Variants in NKAIN2 observed in about 807,000 individuals in gnomAD.
NKAIN2 encodes sodium/potassium-transporting ATPase subunit beta-1-interacting protein 2.
Under a neutral mutation model 32.6 loss-of-function variants are expected in NKAIN2, and 14 were observed. The observed-to-expected ratio is 0.43, with a 90% CI of 0.28 to 0.67. The LOEUF (loss-of-function observed/expected upper bound fraction) is 0.67, where lower values mean the gene tolerates loss of function less well. NKAIN2 is among the 30% of genes least tolerant of loss of function. The pLI is 0.17. For synonymous variants in NKAIN2, 80 were observed against 87.2 expected (o/e 0.92, Z 0.46); for missense variants, 198 against 258.3 (o/e 0.77, Z 1.60).
chr6:124,413,015 C>G (rs619557), intron 3 of NKAIN2, among the ~76,000 whole-genome samples: 1 of 152,148 alleles, frequency 6.6e-6, no homozygotes, highest in African/African-American at 2.4e-5. Flanking sequence ...TTGTTAAGCC[C>G]GTTGGAAAAG....
chr6:124,779,249 G>T (rs1217282195), intron 4 of NKAIN2, among the ~76,000 whole-genome samples: 3 of 9,562 alleles, frequency 3.1e-4, no homozygotes, highest in African/African-American at 9.1e-4. Context: ...AACAAAGAAA[G>T]AGAGAGAGAG....
chr6:124,658,465 G>A (rs776990322), intron 4 of NKAIN2, 79 bp downstream of exon 4: 3 of 1,603,622 alleles, frequency 1.9e-6, no homozygotes, highest in Non-Finnish European at 2.6e-6. Flanking sequence ...GCACACAAAT[G>A]GAATCTGTGG....
intron 3 of NKAIN2, among the ~76,000 whole-genome samples, chr6:124,408,540 T>C (rs1308734434): frequency 2.6e-5 from 4 of 152,226 alleles, no homozygotes; most frequent in Non-Finnish European, 1.5e-5. Flanking sequence ...GGCTCTGTTC[T>C]GTTCCATTGA....
At chr6:124,585,721 G>A (rs1781688744) in intron 3 of NKAIN2, among the ~76,000 whole-genome samples, 2 of 149,766 alleles carry the variant, frequency 1.3e-5, no homozygotes, top group African/African-American at 2.5e-5. Flanking sequence ...AATATAAAAA[G>A]CATAAGTTAT....
At chr6:124,478,508 G>A (rs1418489763) in intron 3 of NKAIN2, among the ~76,000 whole-genome samples, 1 of 152,104 alleles carries the variant, frequency 6.6e-6, no homozygotes, top group African/African-American at 2.4e-5. Context: ...ACACACACAC[G>A]TGCATGTGCA....
chr6:124,178,165 T>G (rs925105802), intron 1 of NKAIN2, among the ~76,000 whole-genome samples: 9 of 152,086 alleles, frequency 5.9e-5, no homozygotes, highest in African/African-American at 2.2e-4. Flanking sequence ...TTCAATAGAC[T>G]CCAAATTTTC....
intron 4 of NKAIN2, among the ~76,000 whole-genome samples, chr6:124,726,878 G>A (rs1451156358): frequency 1.3e-3 from 138 of 107,678 alleles, no homozygotes; most frequent in Middle Eastern, 4.3e-3. Flanking sequence ...TGATGGAGCT[G>A]AAAACCAAGG....
intron 1 of NKAIN2, among the ~76,000 whole-genome samples, chr6:124,068,211 G>T (rs1431119557): frequency 6.6e-6 from 1 of 152,066 alleles, no homozygotes; most frequent in Non-Finnish European, 1.5e-5. Context: ...GAAAGTAAAA[G>T]AAGTTTGTTT....
chr6:124,725,394 G>A (rs896948767), intron 4 of NKAIN2, among the ~76,000 whole-genome samples: 16 of 151,992 alleles, frequency 1.1e-4, no homozygotes, highest in East Asian at 1.9e-4. Context: ...GTGAGCCATC[G>A]CACCCAGCCC....
At chr6:124,051,868 C>T (rs1026354692) in intron 1 of NKAIN2, among the ~76,000 whole-genome samples, 3 of 151,900 alleles carry the variant, frequency 2.0e-5, no homozygotes, top group Admixed American at 1.3e-4. Context: ...TGCTTCTTAT[C>T]GGTTTCAAGA....
Position 124,515,713 on chromosome 6 carries a change from C to CCCTTCTTTCTTTGT in NKAIN2, c.274-142473_274-142472insCCTTCTTTCTTTGT, listed in dbSNP as rs1562232431. On this transcript the variant is annotated intron_variant, in intron 3 of 6. Transcript: ENST00000368417. ...CCTACTTCATTTTTCTTCGCTTTCT[C>CCCTTCTTTCTTTGT]TCCGTCTCGCTCTGTCGCCCAGGCT... Among the ~76,000 whole-genome samples, 4 of 67,736 alleles carry CCCTTCTTTCTTTGT rather than the reference C, an allele frequency of 5.9e-5. 2 individuals are homozygous for CCCTTCTTTCTTTGT. The highest frequency in any genetic ancestry group is 1.1e-3 in the East Asian group (2 of 1,804). 44.4% of individuals were successfully genotyped at this position (67,736 alleles called of 152,430 possible).
At position 124,430,965 on chromosome 6, in the gene NKAIN2, C is replaced by T. The variant is rs116616730; in HGVS notation, c.273+75618C>T. 1.7e-3 allele frequency among the ~76,000 whole-genome samples: 264 copies of T among 152,300 alleles called. 1 individual carries two copies. Among genetic ancestry groups the T allele is most frequent in the African/African-American group, 6.2e-3 (256 of 41,564 alleles). ...GCATGATTCAGACATGCTTTTAGAA[C>T]TGCTCATGTCTTGCTAATATGCATG... On this transcript the variant is annotated intron_variant, in intron 3 of 6. Coordinates refer to ENST00000368417, the MANE Select transcript of NKAIN2 (RefSeq NM_001040214.3).
At chr6:123,858,090 G>A (rs894309980) in intron 1 of NKAIN2, among the ~76,000 whole-genome samples, 1 of 151,938 alleles carries the variant, frequency 6.6e-6, no homozygotes, top group African/African-American at 2.4e-5. Flanking sequence ...TACTATGTGT[G>A]GAACTATCCT....
intron 1 of NKAIN2, among the ~76,000 whole-genome samples, chr6:124,182,104 G>C (rs181924122): frequency 6.6e-5 from 10 of 152,270 alleles, no homozygotes; most frequent in Non-Finnish European, 1.2e-4. Context: ...AGGAGCAAAG[G>C]CATGTCTTAC....
chr6:123,897,915 G>T (rs1398406125), intron 1 of NKAIN2, among the ~76,000 whole-genome samples: 1 of 152,192 alleles, frequency 6.6e-6, no homozygotes, highest in African/African-American at 2.4e-5. Context: ...TGTATTTTGT[G>T]AAGAGCTTTC....
intron 1 of NKAIN2, among the ~76,000 whole-genome samples, chr6:124,217,865 TA>T (rs1249735135): frequency 6.6e-6 from 1 of 152,020 alleles, no homozygotes; most frequent in Non-Finnish European, 1.5e-5. Context: ...AAAGCTCAAA[TA>T]TTAACTAAGA....
chr6:124,420,362 A>C (rs332596), intron 3 of NKAIN2, among the ~76,000 whole-genome samples: 29,448 of 152,054 alleles, frequency 0.19, 2,939 homozygotes, highest in East Asian at 0.24. Context: ...TTTCAAATGA[A>C]AATTACTAGA....
intron 1 of NKAIN2, among the ~76,000 whole-genome samples, chr6:124,073,524 A>G (rs1017284877): frequency 2.6e-5 from 4 of 152,150 alleles, no homozygotes; most frequent in Non-Finnish European, 4.4e-5. Context: ...GAGTTCTACA[A>G]AGAGTCATAG....
At chr6:124,134,617 G>A (rs982135788) in intron 1 of NKAIN2, among the ~76,000 whole-genome samples, 1 of 152,146 alleles carries the variant, frequency 6.6e-6, no homozygotes, top group Non-Finnish European at 1.5e-5. Context: ...CCAGTAGGCG[G>A]AGGCTGCAGT....
Sources: allele counts gnomAD v4.1 joint callset (sites outside exome capture counted in the v4.1 genomes callset), GRCh38; gene constraint gnomAD v4.1.1; transcripts MANE v1.5; gene names NCBI Gene and HGNC (gene_info 2026-07-23, HGNC 2026-07-21).